Variants in SPRED2 observed in about 807,000 individuals in gnomAD.
The protein encoded by SPRED2 is sprouty related EVH1 domain containing 2, also known as sprouty-related, EVH1 domain-containing protein 2.
Under a neutral mutation model 43.0 loss-of-function variants are expected in SPRED2, and 47 were observed. The ratio of observed to expected loss-of-function variants is 1.09; its 90% CI spans 0.87 to 1.40. The LOEUF is 1.40. Ranked by LOEUF, SPRED2 falls within the 40% of genes most tolerant of loss-of-function variation. SPRED2 has a pLI of 0.00. For synonymous variants in SPRED2, 225 were observed against 225.7 expected (o/e 1.00, Z 0.03); for missense variants, 561 against 586.4 (o/e 0.96, Z 0.45).
intron 1 of SPRED2, among the ~76,000 whole-genome samples, chr2:65,364,221 AC>A (rs1674903832): frequency 6.6e-6 from 1 of 152,200 alleles, no homozygotes; most frequent in Non-Finnish European, 1.5e-5. Context: ...ATAAAAGAAA[AC>A]CCAGGGAGGA....
At chr2:65,431,761 T>G (rs1163782940) in intron 1 of SPRED2, among the ~76,000 whole-genome samples, 2 of 151,914 alleles carry the variant, frequency 1.3e-5, no homozygotes, top group Non-Finnish European at 2.9e-5. Flanking sequence ...ACCCTAGGCG[T>G]GCGCCCGCCA....
chr2:65,359,696 G>A (rs993729855), intron 1 of SPRED2, among the ~76,000 whole-genome samples: 1 of 152,102 alleles, frequency 6.6e-6, no homozygotes. Flanking sequence ...GTGGGAGGCT[G>A]AGGCGGGTGG....
chr2:65,352,497 T>C (rs1313528279), intron 1 of SPRED2, among the ~76,000 whole-genome samples: 1 of 152,248 alleles, frequency 6.6e-6, no homozygotes, highest in Non-Finnish European at 1.5e-5. Context: ...TCTATGTTTA[T>C]CAAGAGGAGA....
chr2:65,383,185 G>C (rs1008785268), intron 1 of SPRED2, among the ~76,000 whole-genome samples: 1 of 152,228 alleles, frequency 6.6e-6, no homozygotes, highest in Admixed American at 6.5e-5. Context: ...GGTGGACCGG[G>C]CCGATGAGTA....
At chr2:65,336,721 C>G (rs917428434) in intron 2 of SPRED2, among the ~76,000 whole-genome samples, 1 of 152,164 alleles carries the variant, frequency 6.6e-6, no homozygotes, top group African/African-American at 2.4e-5. Context: ...ACAAAGACTC[C>G]TAGTTTCTCC....
rs1232831938 is a variant in SPRED2, at chr2:65,351,887, C to T, written c.27-6991G>A. Among the ~76,000 whole-genome samples the T allele has an allele frequency of 3.3e-5, 5 of 152,184 alleles. No individual in the cohort carries two copies. In the East Asian group the frequency reaches 5.8e-4, roughly 18 times the overall value. ...CAACTACTCAAGAATTTTTTAAAAG[C>T]GGACTGCCCTGGTTTTGGAAGTTTA... On this transcript the variant is annotated intron_variant, in intron 1 of 5. Coordinates refer to ENST00000356388, the MANE Select transcript of SPRED2 (RefSeq NM_181784.3).
intron 5 of SPRED2, among the ~76,000 whole-genome samples, chr2:65,316,150 C>T (rs929602647): frequency 6.6e-6 from 1 of 152,222 alleles, no homozygotes; most frequent in African/African-American, 2.4e-5. Context: ...CAGTCCATGC[C>T]CCATGATTTG....
intron 1 of SPRED2, among the ~76,000 whole-genome samples, chr2:65,349,302 C>T (rs4671660): frequency 8.8e-6 from 1 of 113,018 alleles, no homozygotes; most frequent in African/African-American, 4.6e-5. Flanking sequence ...CAGCAAGACT[C>T]TGTCTCAAAA....
intron 1 of SPRED2, among the ~76,000 whole-genome samples, chr2:65,364,065 C>T (rs766321007): frequency 2.0e-5 from 3 of 152,148 alleles, no homozygotes; most frequent in Non-Finnish European, 2.9e-5. Flanking sequence ...CCAAAACTAT[C>T]AAATGGATTT....
intron 4 of SPRED2, among the ~76,000 whole-genome samples, chr2:65,327,726 T>C (rs1434629918): frequency 4.5e-5 from 6 of 134,030 alleles, no homozygotes; most frequent in African/African-American, 1.4e-4. Context: ...TTTTTTTTTT[T>C]TTTTTTTTTT....
chr2:65,338,233 CG>C (rs1192739498), intron 2 of SPRED2, among the ~76,000 whole-genome samples: 5 of 77,384 alleles, frequency 6.5e-5, no homozygotes, highest in Non-Finnish European at 1.4e-4. Context: ...CTCCCTCTCC[CG>C]TCTCCCTCTC....
chr2:65,360,881 T>C (rs570422552), intron 1 of SPRED2, among the ~76,000 whole-genome samples: 2 of 152,312 alleles, frequency 1.3e-5, no homozygotes, highest in South Asian at 2.1e-4. Flanking sequence ...CTACTTGAAA[T>C]AGGTAAAGAA....
At chr2:65,336,113 T>C (rs1169178406) in intron 2 of SPRED2, among the ~76,000 whole-genome samples, 1 of 152,092 alleles carries the variant, frequency 6.6e-6, no homozygotes, top group East Asian at 1.9e-4. Context: ...CCAGCACTTT[T>C]GGGGGCTGAG....
At chr2:65,397,609 C>CTT (rs34229550) in intron 1 of SPRED2, among the ~76,000 whole-genome samples, 9 of 131,352 alleles carry the variant, frequency 6.9e-5, no homozygotes, top group Admixed American at 3.1e-4. Flanking sequence ...TCTAGCATCA[C>CTT]TTTTTTTTTT....
At chr2:65,418,113 C>CCACTA (rs1676330963) in intron 1 of SPRED2, among the ~76,000 whole-genome samples, 1 of 152,226 alleles carries the variant, frequency 6.6e-6, no homozygotes, top group Non-Finnish European at 1.5e-5. Context: ...ATCTGTCAGA[C>CCACTA]AGAATTATTA....
At chr2:65,348,126 T>C (rs974632436) in intron 1 of SPRED2, among the ~76,000 whole-genome samples, 6 of 152,206 alleles carry the variant, frequency 3.9e-5, no homozygotes, top group African/African-American at 1.4e-4. Flanking sequence ...AGCATCCTTC[T>C]ACCTCAGGGC....
At chr2:65,369,460 G>A (rs975950502) in intron 1 of SPRED2, among the ~76,000 whole-genome samples, 5 of 152,136 alleles carry the variant, frequency 3.3e-5, no homozygotes, top group African/African-American at 1.2e-4. Flanking sequence ...TAGCATATGC[G>A]ATACTTTTCC....
intron 1 of SPRED2, among the ~76,000 whole-genome samples, chr2:65,392,456 G>A (rs530343580): frequency 7.2e-5 from 11 of 152,156 alleles, no homozygotes; most frequent in Admixed American, 2.0e-4. Flanking sequence ...GATTACAGGC[G>A]TGAGCCACTA....
chr2:65,326,972 C>T (rs189362156), intron 4 of SPRED2, among the ~76,000 whole-genome samples: 2 of 152,112 alleles, frequency 1.3e-5, no homozygotes, highest in African/African-American at 4.8e-5. Context: ...TCCCAAGTAG[C>T]TGGGACCACA....
Sources: gnomAD v4.1 joint callset for allele counts (sites outside exome capture counted in the v4.1 genomes callset) on GRCh38, gnomAD v4.1.1 for gene constraint, MANE v1.5 for transcripts, NCBI Gene and HGNC (gene_info 2026-07-23, HGNC 2026-07-21) for gene names.